NKAIN2: variants seen among roughly 807,000 people sequenced by gnomAD.
NKAIN2 encodes the protein sodium/potassium transporting ATPase interacting 2.
In NKAIN2, 14 loss-of-function variants were observed where a neutral mutation model predicts 32.6. The ratio of observed to expected loss-of-function variants is 0.43; its 90% CI spans 0.28 to 0.67. The LOEUF is 0.67. Among genes scored for constraint, NKAIN2 ranks in the 30% least tolerant of loss-of-function variants. The probability of loss-of-function intolerance (pLI) is 0.17; values close to 1 mark genes in which losing one functional copy is unlikely to be tolerated. For missense variants in NKAIN2, 198 were observed against 258.3 expected, an observed-to-expected ratio of 0.77 and a Z score of 1.60; for synonymous variants, 80 against 87.2, an observed-to-expected ratio of 0.92 and a Z score of 0.46.
At chr6:124,036,545 T>G (rs1039327787) in intron 1 of NKAIN2, among the ~76,000 whole-genome samples, 6 of 152,106 alleles carry the variant, frequency 3.9e-5, no homozygotes, top group Admixed American at 3.9e-4. Context: ...CCTCTTTCAC[T>G]CTAAATATAA....
At chr6:124,474,249 G>A (rs999259436) in intron 3 of NKAIN2, among the ~76,000 whole-genome samples, 3 of 152,072 alleles carry the variant, frequency 2.0e-5, no homozygotes, top group African/African-American at 7.2e-5. Context: ...TCATCTTAAA[G>A]GGGCTTTTCC....
chr6:123,901,397 G>A (rs1386662220), intron 1 of NKAIN2, among the ~76,000 whole-genome samples: 1 of 152,056 alleles, frequency 6.6e-6, no homozygotes, highest in Non-Finnish European at 1.5e-5. Context: ...GAGCCTCAAT[G>A]GCAGGATCCA....
At chr6:123,887,619 A>G (rs923092779) in intron 1 of NKAIN2, among the ~76,000 whole-genome samples, 1 of 152,134 alleles carries the variant, frequency 6.6e-6, no homozygotes, top group Non-Finnish European at 1.5e-5. Context: ...TTGTAAATAC[A>G]TTGAAGGTGA....
intron 1 of NKAIN2, among the ~76,000 whole-genome samples, chr6:124,238,872 A>G (rs1355460843): frequency 5.3e-5 from 8 of 152,334 alleles, no homozygotes; most frequent in Non-Finnish European, 1.0e-4. Flanking sequence ...TGCATCAACA[A>G]ATTGGCAAAA....
chr6:124,670,300 G>C (rs1773034507), intron 4 of NKAIN2, among the ~76,000 whole-genome samples: 1 of 151,996 alleles, frequency 6.6e-6, no homozygotes, highest in South Asian at 2.1e-4. Flanking sequence ...GCCAAAGGTT[G>C]ATTGGCATGA....
intron 2 of NKAIN2, among the ~76,000 whole-genome samples, chr6:124,353,119 G>T (rs1172031909): frequency 6.6e-6 from 1 of 152,124 alleles, no homozygotes; most frequent in Non-Finnish European, 1.5e-5. Flanking sequence ...TGAAAATAAT[G>T]ATTTTCTCCA....
chr6:123,837,685 G>A (rs767363849), intron 1 of NKAIN2, among the ~76,000 whole-genome samples: 3 of 152,034 alleles, frequency 2.0e-5, no homozygotes, highest in Non-Finnish European at 4.4e-5. Context: ...ACCACTCAGA[G>A]TAAAACCGAA....
chr6:123,977,564 A>G (rs1345993336), intron 1 of NKAIN2, among the ~76,000 whole-genome samples: 1 of 152,176 alleles, frequency 6.6e-6, no homozygotes, highest in Non-Finnish European at 1.5e-5. Flanking sequence ...GATATATCTC[A>G]TTTAGGAACA....
At chr6:124,063,510 C>T (rs1783018737) in intron 1 of NKAIN2, among the ~76,000 whole-genome samples, 2 of 151,852 alleles carry the variant, frequency 1.3e-5, no homozygotes, top group African/African-American at 4.8e-5. Flanking sequence ...CTTTTTTCTA[C>T]TGGATTAGGT....
At chr6:124,348,500 C>G (rs1258734476) in intron 2 of NKAIN2, among the ~76,000 whole-genome samples, 1 of 152,228 alleles carries the variant, frequency 6.6e-6, no homozygotes, top group African/African-American at 2.4e-5. Flanking sequence ...GTTTGAGCTT[C>G]CTGGCTGCTT....
At chr6:124,083,610 A>G (rs1223909773) in intron 1 of NKAIN2, among the ~76,000 whole-genome samples, 1 of 151,994 alleles carries the variant, frequency 6.6e-6, no homozygotes, top group African/African-American at 2.4e-5. Flanking sequence ...CATAAATTTC[A>G]AATCAACCTA....
At chr6:123,941,233 G>T (rs1285592036) in intron 1 of NKAIN2, among the ~76,000 whole-genome samples, 1 of 151,480 alleles carries the variant, frequency 6.6e-6, no homozygotes, top group African/African-American at 2.4e-5. Context: ...TTCGTTCCGG[G>T]ATTCTTCCTG....
At chr6:124,721,140 G>GT (rs1362637995) in intron 4 of NKAIN2, among the ~76,000 whole-genome samples, 1 of 152,134 alleles carries the variant, frequency 6.6e-6, no homozygotes, top group African/African-American at 2.4e-5. Flanking sequence ...ACGTTGGCCG[G>GT]GCGCGGTGGC....
At chr6:123,869,144 A>G (rs990350750) in intron 1 of NKAIN2, among the ~76,000 whole-genome samples, 1 of 152,190 alleles carries the variant, frequency 6.6e-6, no homozygotes, top group Admixed American at 6.5e-5. Context: ...GAAAATAAAC[A>G]CTTTGGAAAA....
At chr6:124,104,370 A>T (rs1409564007) in intron 1 of NKAIN2, among the ~76,000 whole-genome samples, 2 of 152,142 alleles carry the variant, frequency 1.3e-5, no homozygotes, top group African/African-American at 4.8e-5. Context: ...GTTGATGATG[A>T]TGATGATATT....
At chr6:123,908,680 G>A (rs1432251170) in intron 1 of NKAIN2, among the ~76,000 whole-genome samples, 1 of 152,110 alleles carries the variant, frequency 6.6e-6, no homozygotes, top group East Asian at 1.9e-4. Context: ...CTCCTCAAAG[G>A]AGTTCCCACT....
intron 2 of NKAIN2, among the ~76,000 whole-genome samples, chr6:124,332,228 TAC>T (rs779027822): frequency 5.3e-5 from 8 of 150,802 alleles, no homozygotes; most frequent in African/African-American, 7.3e-5. Flanking sequence ...TGTGTGTATA[TAC>T]ACACACACAC....
At chr6:124,794,836 A>G (rs1271695703) in intron 5 of NKAIN2, 8 of 955,710 alleles carry the variant, frequency 8.4e-6, no homozygotes, top group Non-Finnish European at 1.0e-5. Flanking sequence ...CCTGATGTTT[A>G]TCCTCAGACG....
chr6:124,438,257 T>C (rs1396262070), intron 3 of NKAIN2, among the ~76,000 whole-genome samples: 2 of 151,574 alleles, frequency 1.3e-5, no homozygotes, highest in African/African-American at 4.8e-5. Flanking sequence ...TATTTCTGCT[T>C]CTATAATGTT....
Sources: gnomAD v4.1 joint callset for allele counts (sites outside exome capture counted in the v4.1 genomes callset) on GRCh38, gnomAD v4.1.1 for gene constraint, MANE v1.5 for transcripts, NCBI Gene and HGNC (gene_info 2026-07-23, HGNC 2026-07-21) for gene names.